GGA2: variants seen among roughly 807,000 people sequenced by gnomAD.
GGA2 encodes the protein ADP-ribosylation factor-binding protein GGA2.
GGA2 carries 48 observed loss-of-function variants against 79.5 expected under a neutral mutation model. That is an observed-to-expected ratio of 0.60 (90% confidence interval 0.48 to 0.77). The LOEUF (loss-of-function observed/expected upper bound fraction) is 0.77. Among genes scored for constraint, GGA2 ranks in the 30% least tolerant of loss-of-function variants. The probability of loss-of-function intolerance (pLI) is 0.00; values close to 1 mark genes in which losing one functional copy is unlikely to be tolerated. For synonymous variants in GGA2, 317 were observed against 302.0 expected (o/e 1.05, Z -0.51); for missense variants, 770 against 774.0 (o/e 0.99, Z 0.06).
intron 2 of GGA2, among the ~76,000 whole-genome samples, chr16:23,515,737 A>G (rs1362905249): frequency 1.3e-5 from 2 of 152,182 alleles, no homozygotes; most frequent in Non-Finnish European, 2.9e-5. Flanking sequence ...ATTGGAATCT[A>G]CACTACTGGC....
At chr16:23,473,465 T>G (rs1193750932) in intron 14 of GGA2, among the ~76,000 whole-genome samples, 3 of 150,164 alleles carry the variant, frequency 2.0e-5, no homozygotes, top group African/African-American at 7.3e-5. Flanking sequence ...GGCTCCTGAG[T>G]AGCTGGGATT....
chr16:23,467,431 CACAG>C lies in GGA2; in HGVS notation c.*155_*158del, dbSNP rs1470282189. On this transcript the variant is annotated 3_prime_UTR_variant, in exon 17 of 17. Transcript: ENST00000309859. ...ACACACACACACACACACACACACACACAGAGCATCTGCAGAATAAGTCAGAGGT... is the reference window on the plus strand; with the variant it reads ...ACACACACACACACACACACACACACAGCATCTGCAGAATAAGTCAGAGGT... 1.3e-5 allele frequency: 8 copies of C among 601,996 alleles called. No individual in the cohort carries two copies. Among genetic ancestry groups the C allele is most frequent in the Admixed American group, 2.5e-5 (1 of 40,530 alleles). 37.3% of individuals were successfully genotyped at this position (601,996 alleles called of 1,614,324 possible).
chr16:23,492,896 G>A (rs1214107965), intron 4 of GGA2, among the ~76,000 whole-genome samples: 1 of 152,188 alleles, frequency 6.6e-6, no homozygotes, highest in Non-Finnish European at 1.5e-5. Context: ...TGTCAGAACT[G>A]AAATGAACTG....
chr16:23,478,597 G>A (rs750340970), intron 12 of GGA2, 96 bp from the exon 13 acceptor site: 1 of 1,217,670 alleles, frequency 8.2e-7, no homozygotes, highest in Non-Finnish European at 1.2e-6. Context: ...CACCCAAGCT[G>A]CTGTGGCCCA....
At chr16:23,486,568 G>T in intron 7 of GGA2, 142 bp downstream of exon 7, 1 of 717,114 alleles carries the variant, frequency 1.4e-6, no homozygotes, top group Non-Finnish European at 2.6e-6. Flanking sequence ...GGAGACTATG[G>T]CTGTTCCCCA....
chr16:23,515,349 C>T (rs1232223953), upstream of GGA2, among the ~76,000 whole-genome samples: 1 of 151,562 alleles, frequency 6.6e-6, no homozygotes, highest in Non-Finnish European at 1.5e-5. Context: ...GTAATCCCAG[C>T]ACTTTGGGAG....
intron 5 of GGA2, 87 bp from the exon 6 acceptor site, chr16:23,488,796 G>A: frequency 1.3e-6 from 1 of 751,654 alleles, no homozygotes; most frequent in Non-Finnish European, 2.3e-6. Context: ...GAAACCCCTG[G>A]TTCCTAATAC....
intron 1 of GGA2, 140 bp from the exon 2 acceptor site, chr16:23,495,918 T>C (rs949920247): frequency 2.7e-5 from 15 of 550,250 alleles, no homozygotes; most frequent in Non-Finnish European, 4.6e-5. Flanking sequence ...AGGAGAGGAA[T>C]TGTGCCTGCG....
Position 23,464,915 on chromosome 16 carries a change from G to A in GGA2, c.*2675C>T, listed in dbSNP as rs145476202. ...CTGACTACCAGGCCTGTGTGTGGACGGGAAAGTCCTGAGGATTGGACTCTG... is the reference window on the plus strand; with the variant it reads ...CTGACTACCAGGCCTGTGTGTGGACAGGAAAGTCCTGAGGATTGGACTCTG... On this transcript the variant is annotated 3_prime_UTR_variant, in exon 17 of 17. Transcript: ENST00000309859. 477 of 185,236 alleles carry A rather than the reference G, an allele frequency of 2.6e-3. No individual in the cohort carries two copies. Among genetic ancestry groups the A allele is most frequent in the African/African-American group, 0.011 (453 of 42,932 alleles). The allele number at this position is 185,236 out of a possible 1,614,324, so 11.5% of individuals were successfully genotyped here.
intron 5 of GGA2, among the ~76,000 whole-genome samples, chr16:23,491,401 G>A (rs776739810): frequency 2.3e-4 from 34 of 150,452 alleles, no homozygotes; most frequent in Non-Finnish European, 4.4e-4. Context: ...TAGGTAGCTT[G>A]TATTTTGACC....
At position 23,494,337 on chromosome 16, in the gene GGA2, G is replaced by A. The variant is rs557919122; in HGVS notation, c.218C>T (p.Ser73Phe). ...ATAAAGAGCTTCCTTCTCTTGCGGA[G>A]ACTGGATCTTGTGGGCCAGTAGCCA... ...APWLLAHKIQ[S>F]PQEKEALYAL... Residue 73 changes from serine to phenylalanine, a missense_variant, in exon 3 of 17, where the codon TCT becomes TTT. Coordinates refer to ENST00000309859, the MANE Select transcript of GGA2 (RefSeq NM_015044.4). 6.2e-7 allele frequency: 1 copy of A among 1,612,952 alleles called. No homozygotes were observed. Among genetic ancestry groups the A allele is most frequent in the Non-Finnish European group, 8.5e-7 (1 of 1,178,972 alleles).
At chr16:23,510,620 T>C (rs961899504), upstream of GGA2, 1 of 379,196 alleles carries the variant, frequency 2.6e-6, no homozygotes, top group Non-Finnish European at 4.7e-6. Flanking sequence ...GCGCTGGTCT[T>C]CTAAGACCAC....
At position 23,504,012 on chromosome 16, in the gene GGA2, C is replaced by T. The variant is rs575525311; in HGVS notation, c.91+6309G>A. Among the ~76,000 whole-genome samples the T allele has an allele frequency of 1.6e-4, 24 of 150,898 alleles. No homozygotes were observed. The South Asian group carries it at 2.1e-3, about 13-fold the overall frequency. ...AGGAGAATTGCTTGAACCCGGGAGA[C>T]GGAGGTTGCGGTGAGCCAAGATCGT... On this transcript the variant is annotated intron_variant, in intron 1 of 16. Coordinates refer to ENST00000309859, the MANE Select transcript of GGA2 (RefSeq NM_015044.4).
chr16:23,510,013 TG>T (rs1391731828), intron 1 of GGA2, among the ~76,000 whole-genome samples: 1 of 139,128 alleles, frequency 7.2e-6, no homozygotes, highest in African/African-American at 2.6e-5. Flanking sequence ...GCACAGTGCC[TG>T]GCGCAGGGGA....
intron 9 of GGA2, 74 bp from the exon 10 acceptor site, chr16:23,480,844 TA>T: frequency 2.1e-6 from 3 of 1,429,038 alleles, no homozygotes; most frequent in Non-Finnish European, 2.9e-6. Flanking sequence ...AGCTTTTCCA[TA>T]AAACAGCCTT....
At position 23,465,407 on chromosome 16, in the gene GGA2, TCTC is replaced by T. The variant is rs1403706761; in HGVS notation, c.*2180_*2182del. The T allele has an allele frequency of 7.1e-6, 5 of 702,860 alleles. No homozygotes were observed. The highest frequency in any genetic ancestry group is 1.3e-5 in the Non-Finnish European group (5 of 384,848). 43.5% of individuals were successfully genotyped at this position (702,860 alleles called of 1,614,324 possible). A position where few individuals can be genotyped will look rare whatever the true frequency, so the allele number is the denominator to read the frequency against. On this transcript the variant is annotated 3_prime_UTR_variant, in exon 17 of 17. Coordinates refer to ENST00000309859, the MANE Select transcript of GGA2 (RefSeq NM_015044.4). The stretch of plus-strand genomic sequence containing the variant: ...ACTTTCAGGACAGCAGCCTGCCTCC[TCTC>T]CTCCTACCCCTATCCTGTCCAACAC...
intron 2 of GGA2, among the ~76,000 whole-genome samples, chr16:23,516,305 C>T (rs1965102533): frequency 6.6e-6 from 1 of 152,182 alleles, no homozygotes; most frequent in South Asian, 2.1e-4. Flanking sequence ...AGCCACCACA[C>T]TCGGCCTTTT....
At chr16:23,474,681 GCCTCAAGTGAT>G (rs1964554563) in intron 14 of GGA2, among the ~76,000 whole-genome samples, 1 of 151,806 alleles carries the variant, frequency 6.6e-6, no homozygotes, top group Non-Finnish European at 1.5e-5. Context: ...CAAACTCCTG[GCCTCAAGTGAT>G]CCTCCCACCT....
chr16:23,502,607 G>A (rs1301173146), intron 1 of GGA2, among the ~76,000 whole-genome samples: 1 of 152,226 alleles, frequency 6.6e-6, no homozygotes, highest in Non-Finnish European at 1.5e-5. Context: ...TGGTTAAAGA[G>A]ATTGCTGGTG....
Sources: allele counts gnomAD v4.1 joint callset (sites outside exome capture counted in the v4.1 genomes callset), GRCh38; gene constraint gnomAD v4.1.1; transcripts MANE v1.5; gene names NCBI Gene and HGNC (gene_info 2026-07-23, HGNC 2026-07-21).